The following KLHL2 variants were observed in gnomAD, a reference collection of about 807,000 sequenced individuals.
The protein encoded by KLHL2 is kelch-like protein 2.
In KLHL2, 15 loss-of-function variants were observed where a neutral mutation model predicts 75.8. The ratio of observed to expected loss-of-function variants is 0.20; its 90% CI spans 0.13 to 0.30. The LOEUF (loss-of-function observed/expected upper bound fraction) is 0.30. Among genes scored for constraint, KLHL2 ranks in the 10% least tolerant of loss-of-function variants. The pLI is 1.00. For missense variants in KLHL2, 381 were observed against 741.0 expected (o/e 0.51, Z 5.64); for synonymous variants, 214 against 251.9 (o/e 0.85, Z 1.42).
At chr4:165,259,036 A>G (rs1423202005) in intron 4 of KLHL2, among the ~76,000 whole-genome samples, 2 of 152,126 alleles carry the variant, frequency 1.3e-5, no homozygotes, top group East Asian at 3.9e-4. Context: ...GAATGTTTAT[A>G]TTATTGTATT....
chr4:165,277,901 T>C (rs1316255725), intron 5 of KLHL2: 15 of 846,938 alleles, frequency 1.8e-5, no homozygotes, highest in Non-Finnish European at 3.1e-5. Flanking sequence ...ATGAATAGTG[T>C]CATCGCATTA....
chr4:165,254,816 T>A (rs966290030), intron 4 of KLHL2, among the ~76,000 whole-genome samples: 1 of 152,274 alleles, frequency 6.6e-6, no homozygotes, highest in Non-Finnish European at 1.5e-5. Context: ...TTACATCTTT[T>A]ATGTTGAGAA....
rs557525121 is a variant in KLHL2, at chr4:165,294,450, C to T, written c.636C>T (p.Thr212=). 1.6e-5 allele frequency: 26 copies of T among 1,590,976 alleles called. No homozygotes were observed. Among genetic ancestry groups the T allele is most frequent in the Non-Finnish European group, 2.2e-5 (26 of 1,160,178 alleles). ...VCSLISSDKL[T]ISSEEKVFEA... ...GCTTAATCTCAAGTGACAAACTTAC[C>T]ATTTCTTCAGAAGAGAAGGTAAGGA... The change falls in exon 6 of 15, where the codon ACC becomes ACT. Residue 212 remains threonine (T), a synonymous_variant. Transcript: ENST00000226725.
chr4:165,264,747 T>TATATATAC (rs1742087159), intron 5 of KLHL2, among the ~76,000 whole-genome samples: 1 of 83,700 alleles, frequency 1.2e-5, no homozygotes, highest in South Asian at 3.5e-4. Context: ...TATGTATATA[T>TATATATAC]ATATATATAT....
At chr4:165,242,457 C>T (rs1655477533) in intron 4 of KLHL2, among the ~76,000 whole-genome samples, 1 of 152,166 alleles carries the variant, frequency 6.6e-6, no homozygotes, top group Admixed American at 6.5e-5. Flanking sequence ...CTTGCCCCAC[C>T]TTCCACTGTT....
intron 5 of KLHL2, among the ~76,000 whole-genome samples, chr4:165,275,220 A>C (rs1742992167): frequency 6.6e-6 from 1 of 152,066 alleles, no homozygotes; most frequent in Non-Finnish European, 1.5e-5. Flanking sequence ...CAAGTGTACT[A>C]ACTTATTCAG....
intron 4 of KLHL2, among the ~76,000 whole-genome samples, chr4:165,261,049 A>G (rs1027478640): frequency 6.6e-6 from 1 of 152,192 alleles, no homozygotes; most frequent in Admixed American, 6.5e-5. Context: ...TAGAGGAGTG[A>G]TCATACTATT....
intron 5 of KLHL2, among the ~76,000 whole-genome samples, chr4:165,282,864 G>A (rs1743802752): frequency 6.6e-6 from 1 of 151,848 alleles, no homozygotes; most frequent in South Asian, 2.1e-4. Context: ...AGACATATCC[G>A]AGACTGGGCA....
chr4:165,254,417 A>G (rs1344019999), intron 4 of KLHL2, among the ~76,000 whole-genome samples: 4 of 152,062 alleles, frequency 2.6e-5, no homozygotes, highest in African/African-American at 9.7e-5. Context: ...AGTAAAAGTC[A>G]TTTACGTATC....
In KLHL2 at chr4:165,260,148, C is replaced by T. The variant is rs183770891; in HGVS notation, c.382-3049C>T. On this transcript the variant is annotated intron_variant, in intron 4 of 14. Coordinates refer to ENST00000226725, the MANE Select transcript of KLHL2 (RefSeq NM_007246.4). ...AGCAAGCTGGGTCAATTAGTAATTG[C>T]TTTTGAAGCTGTATATAATTAATTA... 1.7e-3 allele frequency among the ~76,000 whole-genome samples: 255 copies of T among 152,152 alleles called. 3 individuals carry two copies. The highest frequency in any genetic ancestry group is 5.9e-3 in the African/African-American group (245 of 41,514).
At chr4:165,308,941 C>T (rs552231819) in intron 9 of KLHL2, among the ~76,000 whole-genome samples, 35 of 152,204 alleles carry the variant, frequency 2.3e-4, no homozygotes, top group Admixed American at 1.6e-3. Context: ...ACTGCATTTC[C>T]GTGTATTTTT....
intron 5 of KLHL2, among the ~76,000 whole-genome samples, chr4:165,270,429 C>A (rs1457952963): frequency 2.6e-5 from 4 of 152,202 alleles, no homozygotes; most frequent in African/African-American, 9.6e-5. Flanking sequence ...TTCACCTTTT[C>A]TGCTCTGGTT....
chr4:165,226,097 C>G (rs1738408835), intron 2 of KLHL2, among the ~76,000 whole-genome samples: 1 of 152,178 alleles, frequency 6.6e-6, no homozygotes, highest in Non-Finnish European at 1.5e-5. Context: ...AACTAAAGCA[C>G]TAGGAAGGAT....
At chr4:165,230,289 T>C (rs1448749829) in intron 3 of KLHL2, among the ~76,000 whole-genome samples, 1 of 152,250 alleles carries the variant, frequency 6.6e-6, no homozygotes, top group Non-Finnish European at 1.5e-5. Flanking sequence ...ATGACACTGC[T>C]GTTGCCACTT....
chr4:165,318,544 T>C (rs1339412257), intron 14 of KLHL2, among the ~76,000 whole-genome samples: 1 of 152,210 alleles, frequency 6.6e-6, no homozygotes, highest in African/African-American at 2.4e-5. Context: ...GATCCAATAG[T>C]GGAGGAAGAA....
At chr4:165,241,614 T>A (rs1305735770) in intron 4 of KLHL2, among the ~76,000 whole-genome samples, 1 of 152,230 alleles carries the variant, frequency 6.6e-6, no homozygotes, top group Non-Finnish European at 1.5e-5. Context: ...GTTTTAGTAG[T>A]AAAGTATAAT....
At chr4:165,275,322 T>C (rs1224233197) in intron 5 of KLHL2, among the ~76,000 whole-genome samples, 1 of 152,096 alleles carries the variant, frequency 6.6e-6, no homozygotes, top group East Asian at 1.9e-4. Context: ...ATTTTTAGCA[T>C]TTTTTGCAGG....
At chr4:165,236,970 T>G (rs1342989402) in intron 3 of KLHL2, among the ~76,000 whole-genome samples, 1 of 150,368 alleles carries the variant, frequency 6.7e-6, no homozygotes, top group Non-Finnish European at 1.5e-5. Context: ...AAAGTCCCAC[T>G]TGGTTTTGCC....
chr4:165,216,115 G>C (rs1323730862), intron 1 of KLHL2, among the ~76,000 whole-genome samples: 1 of 152,158 alleles, frequency 6.6e-6, no homozygotes, highest in African/African-American at 2.4e-5. Flanking sequence ...CCTTTGCCTG[G>C]TTTGGAAATC....
Sources: gnomAD v4.1 joint callset for allele counts (sites outside exome capture counted in the v4.1 genomes callset) on GRCh38, gnomAD v4.1.1 for gene constraint, MANE v1.5 for transcripts, NCBI Gene and HGNC (gene_info 2026-07-23, HGNC 2026-07-21) for gene names.